Variants in DAB2IP observed in about 807,000 individuals in gnomAD.
The protein encoded by DAB2IP is DAB2 interacting protein.
A neutral mutation model predicts 107.2 loss-of-function variants in DAB2IP; 28 were observed. The observed-to-expected ratio is 0.26, with a 90% CI of 0.19 to 0.36. The LOEUF is 0.36. Among genes scored for constraint, DAB2IP ranks in the 10% least tolerant of loss-of-function variants. DAB2IP has a pLI of 1.00. For synonymous variants in DAB2IP, 755 were observed against 706.4 expected (o/e 1.07, Z -1.09); for missense variants, 1,400 against 1,644.7 (o/e 0.85, Z 2.57).
In DAB2IP at chr9:121,688,892, G is replaced by A. The variant is rs985038121; in HGVS notation, c.228+10111G>A. On this transcript the variant is annotated intron_variant, in intron 2 of 15. Transcript: ENST00000408936. ...CACTTCTGCCAGCCCCCACACTTCT[G>A]CCAGCCCCCACACTGGGTGTCTGAG... Among the ~76,000 whole-genome samples the A allele has an allele frequency of 3.3e-4, 50 of 152,188 alleles. 1 individual carries two copies. The highest frequency in any genetic ancestry group is 2.7e-3 in the Admixed American group (41 of 15,282).
chr9:121,603,876 G>A (rs1043048559), intron 1 of DAB2IP, among the ~76,000 whole-genome samples: 1 of 152,142 alleles, frequency 6.6e-6, no homozygotes, highest in Non-Finnish European at 1.5e-5. Flanking sequence ...GGGCATGGGT[G>A]AGGGGTTGAG....
chr9:121,673,954 C>G (rs1833785377), intron 1 of DAB2IP, among the ~76,000 whole-genome samples: 1 of 152,224 alleles, frequency 6.6e-6, no homozygotes, highest in Non-Finnish European at 1.5e-5. Flanking sequence ...TGGAGAAAAG[C>G]AGGTGGTGCC....
chr9:121,728,264 G>A (rs1349017764), intron 3 of DAB2IP, among the ~76,000 whole-genome samples: 1 of 152,088 alleles, frequency 6.6e-6, no homozygotes, highest in Non-Finnish European at 1.5e-5. Context: ...GTCTGTTGAT[G>A]CCCCTGGTTC....
Position 121,763,897 on chromosome 9 carries a change from G to A in DAB2IP, c.1460+18G>A, listed in dbSNP as rs754881793. On this transcript the variant is annotated intron_variant, in intron 8 of 15. Transcript: ENST00000408936. ...TCCTACTGGTCAGTGCGGTGCCCAG[G>A]TCTCCCCACCCTGTCGCCTTCCCCA... is the stretch of plus-strand genomic sequence containing the variant. 5.6e-6 allele frequency: 9 copies of A among 1,611,928 alleles called. No homozygotes were observed. The South Asian group carries it at 9.9e-5, about 18-fold the overall frequency.
At chr9:121,580,321 C>T (rs2118903718) in intron 1 of DAB2IP, among the ~76,000 whole-genome samples, 1 of 152,346 alleles carries the variant, frequency 6.6e-6, no homozygotes, top group East Asian at 1.9e-4. Flanking sequence ...GCTACAGTGA[C>T]ATCCCAGGGT....
At chr9:121,572,890 C>T (rs1829981694) in intron 1 of DAB2IP, among the ~76,000 whole-genome samples, 1 of 152,078 alleles carries the variant, frequency 6.6e-6, no homozygotes, top group Non-Finnish European at 1.5e-5. Flanking sequence ...CAGAACTTTC[C>T]ATTTCTTCCT....
chr9:121,651,502 T>G, upstream of DAB2IP: 1 of 271,218 alleles, frequency 3.7e-6, no homozygotes, highest in Non-Finnish European at 5.7e-6. This position sits in a 1 kb window ranked among gnomAD's most constrained non-coding sequence, Gnocchi z 5.1. Context: ...GCCCCGCCGA[T>G]TCCAGGCCGG....
chr9:121,601,442 T>C (rs932797093), intron 1 of DAB2IP, among the ~76,000 whole-genome samples: 2 of 152,254 alleles, frequency 1.3e-5, no homozygotes, highest in Non-Finnish European at 2.9e-5. Flanking sequence ...TTGAGCAACA[T>C]TCTTCCTGTT....
intron 1 of DAB2IP, among the ~76,000 whole-genome samples, chr9:121,612,701 C>G (rs984729254): frequency 1.3e-5 from 2 of 152,084 alleles, no homozygotes; most frequent in African/African-American, 2.4e-5. Context: ...GGGGAAGCCA[C>G]AAATTGGTGA....
intron 6 of DAB2IP, among the ~76,000 whole-genome samples, chr9:121,761,523 TC>T (rs1833890274): frequency 6.6e-6 from 1 of 152,136 alleles, no homozygotes; most frequent in Non-Finnish European, 1.5e-5. Context: ...TCTCACCTGT[TC>T]CTAGAGGCCC....
intron 3 of DAB2IP, among the ~76,000 whole-genome samples, chr9:121,739,362 C>T (rs1832156287): frequency 6.6e-6 from 1 of 152,196 alleles, no homozygotes; most frequent in Non-Finnish European, 1.5e-5. Flanking sequence ...TCATGACTGC[C>T]AATGTCTTTC....
intron 1 of DAB2IP, among the ~76,000 whole-genome samples, chr9:121,671,162 A>C (rs1833665611): frequency 6.6e-6 from 1 of 151,700 alleles, no homozygotes; most frequent in African/African-American, 2.4e-5. Flanking sequence ...AAAAACAAAA[A>C]ACAAAACAAA....
At chr9:121,588,700 G>A (rs555363165) in intron 1 of DAB2IP, among the ~76,000 whole-genome samples, 33 of 152,014 alleles carry the variant, frequency 2.2e-4, no homozygotes, top group African/African-American at 7.7e-4. Context: ...TGCAGTCAGT[G>A]CAAGCCTCAG....
intron 8 of DAB2IP, among the ~76,000 whole-genome samples, chr9:121,764,340 C>T (rs1230377357): frequency 6.6e-6 from 1 of 152,224 alleles, no homozygotes; most frequent in Non-Finnish European, 1.5e-5. Context: ...AGAGAATAAA[C>T]AGAAAGGACT....
intron 1 of DAB2IP, among the ~76,000 whole-genome samples, chr9:121,612,973 G>C (rs1831147492): frequency 6.6e-6 from 1 of 152,208 alleles, no homozygotes; most frequent in African/African-American, 2.4e-5. Flanking sequence ...GGGGAGGGGG[G>C]ATGTCAAATC....
At chr9:121,706,941 A>G (rs897330029) in intron 3 of DAB2IP, among the ~76,000 whole-genome samples, 3 of 152,174 alleles carry the variant, frequency 2.0e-5, no homozygotes, top group Non-Finnish European at 4.4e-5. Flanking sequence ...CCCACCCACA[A>G]AGGTTCCTGG....
At chr9:121,592,782 C>T (rs765391355) in intron 1 of DAB2IP, among the ~76,000 whole-genome samples, 1 of 152,140 alleles carries the variant, frequency 6.6e-6, no homozygotes, top group Non-Finnish European at 1.5e-5. Flanking sequence ...CCAGACACAT[C>T]CCTTGGGGAA....
At chr9:121,743,271 A>G (rs1213648364) in intron 3 of DAB2IP, among the ~76,000 whole-genome samples, 7 of 152,188 alleles carry the variant, frequency 4.6e-5, no homozygotes, top group Admixed American at 2.6e-4. Flanking sequence ...GAGGGCTGCT[A>G]TCTCATCTCT....
chr9:121,625,806 A>C (rs1831624551), intron 1 of DAB2IP, among the ~76,000 whole-genome samples: 1 of 151,482 alleles, frequency 6.6e-6, no homozygotes, highest in Non-Finnish European at 1.5e-5. Context: ...TATGTGATCT[A>C]GTTGTCTCCA....
Sources: gnomAD v4.1 joint callset for allele counts (sites outside exome capture counted in the v4.1 genomes callset) on GRCh38, gnomAD v4.1.1 for gene constraint, Gnocchi (gnomAD v3.1) non-coding constraint, MANE v1.5 for transcripts, NCBI Gene and HGNC (gene_info 2026-07-23, HGNC 2026-07-21) for gene names.